The following ARHGAP10 variants were observed in gnomAD, a reference collection of about 807,000 sequenced individuals.
The protein encoded by ARHGAP10 is Rho GTPase activating protein 10.
Under a neutral mutation model 108.6 loss-of-function variants are expected in ARHGAP10, and 87 were observed. That is an observed-to-expected ratio of 0.80 (90% CI 0.67 to 0.96). The LOEUF is 0.96. ARHGAP10 is among the 40% of genes least tolerant of loss of function. The pLI is 0.00. For synonymous variants in ARHGAP10, 347 were observed against 341.1 expected (o/e 1.02, Z -0.19); for missense variants, 939 against 954.5 (o/e 0.98, Z 0.21).
intron 10 of ARHGAP10, among the ~76,000 whole-genome samples, chr4:147,898,349 G>A (rs535325870): frequency 1.3e-5 from 2 of 152,022 alleles, no homozygotes; most frequent in South Asian, 2.1e-4. Flanking sequence ...TCAGGCTTCC[G>A]TTTATTTTCT....
At chr4:147,767,162 T>A (rs1729870699) in intron 1 of ARHGAP10, among the ~76,000 whole-genome samples, 1 of 152,114 alleles carries the variant, frequency 6.6e-6, no homozygotes, top group Non-Finnish European at 1.5e-5. Flanking sequence ...ACCTGTATGT[T>A]AAAGCAAATC....
At chr4:147,768,843 ATTC>A (rs1438072903) in intron 1 of ARHGAP10, among the ~76,000 whole-genome samples, 1 of 150,486 alleles carries the variant, frequency 6.6e-6, no homozygotes, top group Admixed American at 6.7e-5. Context: ...GGTTCAAGCG[ATTC>A]TTCTTCCTCA....
chr4:147,863,218 C>G (rs1024465942), intron 5 of ARHGAP10: 25 of 152,200 alleles, frequency 1.6e-4, no homozygotes, highest in African/African-American at 5.5e-4. Flanking sequence ...TCTTCCCAGA[C>G]TGCAGCTCTG....
intron 1 of ARHGAP10, chr4:147,782,520 T>C (rs1191326925): frequency 6.6e-6 from 1 of 152,180 alleles, no homozygotes; most frequent in Non-Finnish European, 1.5e-5. Flanking sequence ...ATCTGCTTTG[T>C]GAGAACTGTG....
chr4:147,906,472 G>A (rs1736498766), intron 10 of ARHGAP10, among the ~76,000 whole-genome samples, 166 bp from the exon 11 acceptor site: 1 of 152,086 alleles, frequency 6.6e-6, no homozygotes, highest in African/African-American at 2.4e-5. Context: ...CATATTTAAT[G>A]CCATTGAACT....
chr4:147,958,376 T>A (rs1348179841), intron 16 of ARHGAP10, among the ~76,000 whole-genome samples: 1 of 150,940 alleles, frequency 6.6e-6, no homozygotes, highest in Non-Finnish European at 1.5e-5. Flanking sequence ...ATGTTCAGTG[T>A]ATTTCTTCCT....
chr4:148,052,818 G>A (rs531766473), intron 20 of ARHGAP10, among the ~76,000 whole-genome samples: 1 of 152,168 alleles, frequency 6.6e-6, no homozygotes, highest in South Asian at 2.1e-4. Context: ...GGGGCCAAAT[G>A]AACAGGAGGA....
intron 18 of ARHGAP10, among the ~76,000 whole-genome samples, chr4:148,022,872 A>G (rs1249179340): frequency 6.6e-6 from 1 of 152,250 alleles, no homozygotes; most frequent in African/African-American, 2.4e-5. Context: ...ATTGAGGCCA[A>G]CGTTTTGGTG....
At chr4:147,760,498 G>A (rs924968063) in intron 1 of ARHGAP10, among the ~76,000 whole-genome samples, 2 of 152,136 alleles carry the variant, frequency 1.3e-5, no homozygotes, top group African/African-American at 4.8e-5. Flanking sequence ...GAGTCTGGGT[G>A]GGAAGGTAGA....
chr4:147,741,062 A>T (rs753532947), intron 1 of ARHGAP10, among the ~76,000 whole-genome samples: 2 of 152,206 alleles, frequency 1.3e-5, no homozygotes, highest in Non-Finnish European at 2.9e-5. Flanking sequence ...ATCCAATTGG[A>T]TGTATGTAAC....
chr4:147,911,386 A>G (rs1310483534), intron 12 of ARHGAP10, among the ~76,000 whole-genome samples: 3 of 152,158 alleles, frequency 2.0e-5, no homozygotes, highest in African/African-American at 4.8e-5. Context: ...TGTTGGAGAC[A>G]GAGTCTTGCT....
chr4:147,850,891 A>G (rs529772923), intron 4 of ARHGAP10, among the ~76,000 whole-genome samples: 2 of 152,240 alleles, frequency 1.3e-5, no homozygotes, highest in African/African-American at 4.8e-5. Flanking sequence ...GGGTAGCTAC[A>G]GGAACCAGTA....
intron 15 of ARHGAP10, among the ~76,000 whole-genome samples, chr4:147,951,797 G>C (rs1398923003): frequency 6.6e-6 from 1 of 151,962 alleles, no homozygotes; most frequent in African/African-American, 2.4e-5. Context: ...AAACACAGTT[G>C]ACATACAATA....
intron 13 of ARHGAP10, among the ~76,000 whole-genome samples, chr4:147,917,849 C>T (rs1274355903): frequency 6.6e-6 from 1 of 150,458 alleles, no homozygotes; most frequent in African/African-American, 2.5e-5. Context: ...GTCTTAAAGT[C>T]GCATTTATTA....
At chr4:147,738,482 G>A (rs1969102) in intron 1 of ARHGAP10, among the ~76,000 whole-genome samples, 112,280 of 151,966 alleles carry the variant, frequency 0.74, 45,474 homozygotes, top group Non-Finnish European at 0.89. Flanking sequence ...GGACCCAGGA[G>A]GTGGAGCTTT....
chr4:147,936,641 T>C (rs1490285286), intron 13 of ARHGAP10, among the ~76,000 whole-genome samples: 2 of 152,136 alleles, frequency 1.3e-5, no homozygotes, highest in Admixed American at 1.3e-4. Context: ...TTTCCTCTCT[T>C]ATAGTTGCTG....
chr4:148,072,214 T>A lies in ARHGAP10; in HGVS notation c.*133T>A. ...CACTTGGGAGTTACCATCATCACAG[T>A]CAGCCCTGGGGGTGGGGGGTGGTGG... On this transcript the variant is annotated 3_prime_UTR_variant, in exon 23 of 23. Coordinates refer to ENST00000336498, the MANE Select transcript of ARHGAP10 (RefSeq NM_024605.4). The A allele has an allele frequency of 2.7e-5, 11 of 408,182 alleles. No individual in the cohort carries two copies. Among genetic ancestry groups the A allele is most frequent in the East Asian group, 1.3e-4 (2 of 15,750 alleles). 25.3% of individuals were successfully genotyped at this position (408,182 alleles called of 1,614,324 possible). A position where few individuals can be genotyped will look rare whatever the true frequency, so the allele number is the denominator to read the frequency against.
At chr4:147,878,212 CA>C (rs1350501987) in intron 8 of ARHGAP10, among the ~76,000 whole-genome samples, 1 of 152,166 alleles carries the variant, frequency 6.6e-6, no homozygotes, top group Non-Finnish European at 1.5e-5. Flanking sequence ...TCACCTGCCT[CA>C]GCCTCCCGAG....
intron 1 of ARHGAP10, among the ~76,000 whole-genome samples, chr4:147,813,528 A>G (rs954770859): frequency 2.6e-5 from 4 of 152,228 alleles, no homozygotes; most frequent in African/African-American, 9.6e-5. Context: ...AATGCCATGA[A>G]CTAATGGCAT....
Sources: gnomAD v4.1 joint callset for allele counts (sites outside exome capture counted in the v4.1 genomes callset) on GRCh38, gnomAD v4.1.1 for gene constraint, MANE v1.5 for transcripts, NCBI Gene and HGNC (gene_info 2026-07-23, HGNC 2026-07-21) for gene names.